Variants in CADM2 observed in about 807,000 individuals in gnomAD.
CADM2 encodes the protein cell adhesion molecule 2.
Under a neutral mutation model 49.8 loss-of-function variants are expected in CADM2, and 12 were observed. The observed-to-expected ratio is 0.24, with a 90% CI of 0.15 to 0.39. CADM2 has a LOEUF of 0.39. Ranked by LOEUF, CADM2 falls within the 10% of genes least tolerant of loss-of-function variation. The pLI, the probability that CADM2 is intolerant of heterozygous loss-of-function variation, is 1.00. For missense variants in CADM2, 378 were observed against 492.3 expected (o/e 0.77, Z 2.20); for synonymous variants, 214 against 175.4 (o/e 1.22, Z -1.74).
At chr3:85,803,543 C>A (rs376513098) in intron 3 of CADM2, among the ~76,000 whole-genome samples, 1 of 115,178 alleles carries the variant, frequency 8.7e-6, no homozygotes, top group Non-Finnish European at 1.9e-5. Flanking sequence ...ATCAATTGAT[C>A]GATATTTATT....
At chr3:86,020,722 G>A (rs1048855581) in intron 8 of CADM2, among the ~76,000 whole-genome samples, 45 of 152,134 alleles carry the variant, frequency 3.0e-4, no homozygotes, top group African/African-American at 1.1e-3. Context: ...TATAAACAGA[G>A]CCAAAGACAA....
intron 1 of CADM2, among the ~76,000 whole-genome samples, chr3:85,194,237 G>A (rs556590741): frequency 6.6e-6 from 1 of 152,232 alleles, no homozygotes; most frequent in South Asian, 2.1e-4. Context: ...TTCTGGACCA[G>A]AGAGAGTGTG....
chr3:86,041,423 G>T (rs1328269778), intron 8 of CADM2, among the ~76,000 whole-genome samples: 4 of 152,102 alleles, frequency 2.6e-5, no homozygotes, highest in Non-Finnish European at 4.4e-5. Context: ...AAAGGCAGGG[G>T]TTGCAATCCT....
At chr3:85,685,455 T>G (rs1021829683) in intron 1 of CADM2, among the ~76,000 whole-genome samples, 1 of 152,132 alleles carries the variant, frequency 6.6e-6, no homozygotes, top group African/African-American at 2.4e-5. Context: ...GGAGGCTATG[T>G]ATTGTGTGGG....
chr3:86,013,647 A>G, intron 8 of CADM2: 1 of 1,603,028 alleles, frequency 6.2e-7, no homozygotes, highest in South Asian at 1.1e-5. Context: ...TGTAGTGGAC[A>G]TAGCAGGGGA....
chr3:85,355,950 T>C (rs1000680574), intron 1 of CADM2, among the ~76,000 whole-genome samples: 1 of 152,078 alleles, frequency 6.6e-6, no homozygotes, highest in African/African-American at 2.4e-5. Context: ...AAATAGAGGG[T>C]CAACTTTAAA....
At chr3:85,301,351 T>C (rs983933190) in intron 1 of CADM2, among the ~76,000 whole-genome samples, 6 of 151,992 alleles carry the variant, frequency 3.9e-5, no homozygotes, top group African/African-American at 1.4e-4. Flanking sequence ...TATTCGTGTT[T>C]CCCAGTGCCT....
intron 1 of CADM2, among the ~76,000 whole-genome samples, chr3:85,343,005 T>C (rs1263043756): frequency 6.6e-6 from 1 of 152,150 alleles, no homozygotes; most frequent in Non-Finnish European, 1.5e-5. Flanking sequence ...CCATAATACA[T>C]TGTAAGGTCT....
At chr3:85,961,853 T>A (rs1724861471) in intron 8 of CADM2, among the ~76,000 whole-genome samples, 1 of 151,282 alleles carries the variant, frequency 6.6e-6, no homozygotes, top group South Asian at 2.1e-4. Context: ...ATACATAAAA[T>A]TTTTTTTTGT....
chr3:85,686,910 T>C lies in CADM2; in HGVS notation c.62-39612T>C, dbSNP rs2066234402. 3.3e-5 allele frequency among the ~76,000 whole-genome samples: 5 copies of C among 152,196 alleles called. No individual in the cohort carries two copies. In the South Asian group the frequency reaches 1.0e-3, roughly 32 times the overall value. ...TCAGACAGAACCAATGTTCATCTTA[T>C]ATATGTTGATTGATGTCTAATGACT... On this transcript the variant is annotated intron_variant, in intron 1 of 9. Transcript: ENST00000383699.
intron 1 of CADM2, among the ~76,000 whole-genome samples, chr3:85,419,526 A>G (rs1306830005): frequency 6.6e-6 from 1 of 152,090 alleles, no homozygotes; most frequent in Non-Finnish European, 1.5e-5. Context: ...TGGGTTACAC[A>G]TATTCTATAA....
chr3:85,465,181 A>C (rs969402832), intron 1 of CADM2, among the ~76,000 whole-genome samples: 4 of 152,100 alleles, frequency 2.6e-5, no homozygotes, highest in African/African-American at 7.2e-5. Context: ...ACAACAACAA[A>C]AACAAACAAA....
chr3:85,438,585 G>A (rs1288711207), intron 1 of CADM2, among the ~76,000 whole-genome samples: 3 of 152,066 alleles, frequency 2.0e-5, no homozygotes, highest in Non-Finnish European at 4.4e-5. Flanking sequence ...TTGCTATTTA[G>A]GGTAAATGTT....
At chr3:85,212,109 C>A (rs530425470) in intron 1 of CADM2, among the ~76,000 whole-genome samples, 100 of 152,052 alleles carry the variant, frequency 6.6e-4, no homozygotes, top group Non-Finnish European at 6.6e-4. Flanking sequence ...CTCCTCTTTT[C>A]TGGTTTCCAT....
chr3:85,440,006 A>G (rs1227597436), intron 1 of CADM2, among the ~76,000 whole-genome samples: 1 of 152,226 alleles, frequency 6.6e-6, no homozygotes, highest in East Asian at 1.9e-4. Context: ...TTCCATTAGG[A>G]GAATTGCATA....
chr3:85,951,961 G>A (rs1723478083), intron 7 of CADM2, among the ~76,000 whole-genome samples: 1 of 150,916 alleles, frequency 6.6e-6, no homozygotes, highest in African/African-American at 2.4e-5. Flanking sequence ...GGAAGTGAAC[G>A]GGAGAGGGCC....
rs142195696 is a variant in CADM2 at position 85,690,478 on chromosome 3, A to C, written c.62-36044A>C. ...TGATTATTACAATTACAAGGAAATG[A>C]ATAAAAGTAAATGGGGGTGGGGGGA... On this transcript the variant is annotated intron_variant, in intron 1 of 9. Coordinates refer to ENST00000383699, the MANE Select transcript of CADM2 (RefSeq NM_001167675.2). Among the ~76,000 whole-genome samples the C allele has an allele frequency of 6.9e-3, 1,054 of 152,114 alleles. 8 individuals are homozygous for C. Among genetic ancestry groups the C allele is most frequent in the Middle Eastern group, 0.027 (8 of 294 alleles).
intron 5 of CADM2, among the ~76,000 whole-genome samples, chr3:85,895,835 G>A (rs1715143956): frequency 6.6e-6 from 1 of 152,102 alleles, no homozygotes; most frequent in Non-Finnish European, 1.5e-5. Flanking sequence ...TTTCTGCCAT[G>A]AGGCCTCCCC....
chr3:86,034,126 G>A (rs1734885220), intron 8 of CADM2, among the ~76,000 whole-genome samples: 1 of 151,810 alleles, frequency 6.6e-6, no homozygotes, highest in African/African-American at 2.4e-5. Flanking sequence ...CTTACTATCT[G>A]CCCCAGCCCC....
Sources: gnomAD v4.1 joint callset for allele counts (sites outside exome capture counted in the v4.1 genomes callset) on GRCh38, gnomAD v4.1.1 for gene constraint, MANE v1.5 for transcripts, NCBI Gene and HGNC (gene_info 2026-07-23, HGNC 2026-07-21) for gene names.